Variants in WIPI1 observed in about 807,000 individuals in gnomAD.
WIPI1 encodes the protein WD repeat domain phosphoinositide-interacting protein 1.
A neutral mutation model predicts 55.3 loss-of-function variants in WIPI1; 45 were observed. The observed-to-expected ratio is 0.81, with a 90% CI of 0.64 to 1.04. The LOEUF (loss-of-function observed/expected upper bound fraction) is 1.04, where lower values mean the gene tolerates loss of function less well. Among genes scored for constraint, WIPI1 ranks in the 50% least tolerant of loss-of-function variants. The pLI is 0.00. For synonymous variants in WIPI1, 195 were observed against 217.6 expected, an observed-to-expected ratio of 0.90 and a Z score of 0.92; for missense variants, 445 against 559.0, an observed-to-expected ratio of 0.80 and a Z score of 2.06.
intron 4 of WIPI1, among the ~76,000 whole-genome samples, chr17:68,440,150 C>T (rs1489163086): frequency 2.0e-5 from 3 of 152,164 alleles, no homozygotes; most frequent in African/African-American, 7.2e-5. Flanking sequence ...ACAGTTTTGC[C>T]TCCAGGCTCG....
chr17:68,451,399 A>G (rs906482305), intron 2 of WIPI1, among the ~76,000 whole-genome samples: 2 of 152,130 alleles, frequency 1.3e-5, no homozygotes, highest in African/African-American at 4.8e-5. Context: ...ACAACACTGC[A>G]CTCCAGCCTG....
At chr17:68,437,399 A>G (rs189285740) in intron 4 of WIPI1, among the ~76,000 whole-genome samples, 1 of 152,214 alleles carries the variant, frequency 6.6e-6, no homozygotes, top group Admixed American at 6.5e-5. Context: ...TATTAAAAAT[A>G]CAAAAATTAG....
At chr17:68,436,813 A>G (rs992859694) in intron 4 of WIPI1, among the ~76,000 whole-genome samples, 4 of 152,182 alleles carry the variant, frequency 2.6e-5, no homozygotes, top group Non-Finnish European at 5.9e-5. Context: ...CCTGGCCAAC[A>G]TGGTGAAACC....
chr17:68,431,490 G>A (rs559363691), intron 8 of WIPI1, among the ~76,000 whole-genome samples: 5 of 152,240 alleles, frequency 3.3e-5, no homozygotes, highest in South Asian at 2.1e-4. Flanking sequence ...TCAGGGGGAC[G>A]GGAGGAGCTG....
In WIPI1 at chr17:68,435,740, A is replaced by G. The variant is rs746524971; in HGVS notation, c.529-28T>C. 1.2e-5 allele frequency: 19 copies of G among 1,605,062 alleles called. No individual in the cohort carries two copies. The South Asian group carries it at 2.1e-4, about 18-fold the overall frequency. On this transcript the variant is annotated intron_variant, in intron 5 of 12. Transcript: ENST00000262139. ...GTTGGTGAAAAGGAAAAATGGATAC[A>G]GATGCTGCGGAGGAGGGAAGATGGA...
chr17:68,436,563 G>A, intron 4 of WIPI1, 84 bp from the exon 5 acceptor site: 4 of 1,251,118 alleles, frequency 3.2e-6, no homozygotes, highest in Non-Finnish European at 4.6e-6. Context: ...AAACAGTACA[G>A]CTACAGTGCC....
intron 4 of WIPI1, among the ~76,000 whole-genome samples, chr17:68,439,956 G>A (rs2084008053): frequency 6.6e-6 from 1 of 152,228 alleles, no homozygotes; most frequent in African/African-American, 2.4e-5. Context: ...ACCTCCAGCT[G>A]TGCTTCAGAG....
At position 68,433,650 on chromosome 17, in the gene WIPI1, T is replaced by G. The variant is rs960626700; in HGVS notation, c.693-75A>C. 9 of 1,250,946 alleles carry G rather than the reference T, an allele frequency of 7.2e-6. No homozygotes were observed. In the African/African-American group the frequency reaches 1.3e-4, roughly 19 times the overall value. The allele number at this position is 1,250,946 out of a possible 1,614,324, so 77.5% of individuals were successfully genotyped here. A position where few individuals can be genotyped will look rare whatever the true frequency, so the allele number is the denominator to read the frequency against. ...TGGCCTTATAACTCAGAGATCAGCT[T>G]TATAAGAAAATCAGATGTATCCTGA... On this transcript the variant is annotated intron_variant, in intron 7 of 12. Coordinates refer to ENST00000262139, the MANE Select transcript of WIPI1 (RefSeq NM_017983.7).
At chr17:68,440,905 TAGAA>T (rs1170705103) in intron 4 of WIPI1, 3 of 152,240 alleles carry the variant, frequency 2.0e-5, no homozygotes, top group Non-Finnish European at 2.9e-5. Flanking sequence ...TTTTCAAAAA[TAGAA>T]AGACATCTTC....
intron 7 of WIPI1, 106 bp from the exon 8 acceptor site, chr17:68,433,681 C>G: frequency 1.3e-6 from 1 of 773,192 alleles, no homozygotes; most frequent in Non-Finnish European, 2.1e-6. Flanking sequence ...CCTGAAGAGC[C>G]TAGGTAGACC....
intron 11 of WIPI1, 79 bp from the exon 12 acceptor site, chr17:68,426,254 G>GGGGGGGGT: frequency 2.4e-6 from 2 of 816,924 alleles, no homozygotes; most frequent in Non-Finnish European, 1.9e-6. Context: ...GGGAGCGGGG[G>GGGGGGGGT]CTCAAATAAA....
chr17:68,453,976 G>A (rs961672116), intron 1 of WIPI1, among the ~76,000 whole-genome samples: 2 of 152,262 alleles, frequency 1.3e-5, no homozygotes, highest in African/African-American at 2.4e-5. Context: ...GGAGAACTCT[G>A]CTTTCTACTA....
chr17:68,449,513 G>A (rs952899752), intron 3 of WIPI1, among the ~76,000 whole-genome samples: 6 of 152,220 alleles, frequency 3.9e-5, no homozygotes, highest in Admixed American at 3.3e-4. Flanking sequence ...AATCTTCAGT[G>A]TTGGAGGAAG....
intron 1 of WIPI1, among the ~76,000 whole-genome samples, chr17:68,455,695 C>A (rs948667672): frequency 2.0e-5 from 3 of 152,204 alleles, no homozygotes; most frequent in Non-Finnish European, 4.4e-5. Flanking sequence ...AGGAAATTAA[C>A]TTTCAAAGCA....
chr17:68,424,851 T>C (rs2083053741), intron 12 of WIPI1, among the ~76,000 whole-genome samples: 3 of 152,230 alleles, frequency 2.0e-5, no homozygotes, highest in Admixed American at 6.5e-5. Flanking sequence ...CACTCCAGCC[T>C]GGGTGACAGA....
In WIPI1 at chr17:68,423,637, G is replaced by T. The variant is rs2082954309; in HGVS notation, c.1294-1817C>A. 6.6e-6 allele frequency among the ~76,000 whole-genome samples: 1 copy of T among 152,192 alleles called. No homozygotes were observed. Among genetic ancestry groups the T allele is most frequent in the South Asian group, 2.1e-4 (1 of 4,838 alleles). On this transcript the variant is annotated intron_variant, in intron 12 of 12. Transcript: ENST00000262139. The surrounding 1 kb of genome is among the most constrained non-coding windows in gnomAD (Gnocchi z 4.4). ...CTCATTTGGTCCTTAGGAGGGAGAA[G>T]AAACAACTGGCTCATGCCCAGCTTC...
chr17:68,448,012 A>G (rs904030222), intron 3 of WIPI1, among the ~76,000 whole-genome samples: 3 of 151,386 alleles, frequency 2.0e-5, no homozygotes, highest in African/African-American at 7.3e-5. Flanking sequence ...AAAAAGATAA[A>G]AGGGATTTTG....
At chr17:68,431,015 T>C (rs2083485482) in intron 8 of WIPI1, among the ~76,000 whole-genome samples, 1 of 152,146 alleles carries the variant, frequency 6.6e-6, no homozygotes, top group African/African-American at 2.4e-5. Flanking sequence ...AAAGTGACTA[T>C]GCTAGGTGCA....
At chr17:68,427,417 C>T (rs773084474) in intron 10 of WIPI1, 164 bp from the exon 11 acceptor site, 53 of 495,134 alleles carry the variant, frequency 1.1e-4, no homozygotes, top group African/African-American at 1.6e-4. Context: ...AGTGCAGTGG[C>T]GCAATCTCGG....
Sources: gnomAD v4.1 joint callset for allele counts (sites outside exome capture counted in the v4.1 genomes callset) on GRCh38, gnomAD v4.1.1 for gene constraint, Gnocchi (gnomAD v3.1) non-coding constraint, MANE v1.5 for transcripts, NCBI Gene and HGNC (gene_info 2026-07-23, HGNC 2026-07-21) for gene names.